DNM3: variants seen among roughly 807,000 people sequenced by gnomAD.
DNM3 encodes dynamin 3.
A neutral mutation model predicts 101.6 loss-of-function variants in DNM3; 47 were observed. That is an observed-to-expected ratio of 0.46 (90% CI 0.37 to 0.59). The LOEUF (loss-of-function observed/expected upper bound fraction) is 0.59. Ranked by LOEUF, DNM3 falls within the 20% of genes least tolerant of loss-of-function variation. DNM3 has a pLI of 0.00. For synonymous variants in DNM3, 385 were observed against 387.9 expected (o/e 0.99, Z 0.09); for missense variants, 849 against 1,085.7 (o/e 0.78, Z 3.06).
chr1:172,200,680 A>C (rs563617943), intron 14 of DNM3, among the ~76,000 whole-genome samples: 1 of 152,056 alleles, frequency 6.6e-6, no homozygotes, highest in Admixed American at 6.6e-5. Flanking sequence ...TACTTTTCTC[A>C]GCTTGGTTTA....
intron 4 of DNM3, among the ~76,000 whole-genome samples, chr1:172,008,854 T>C (rs1467373564): frequency 7.2e-6 from 1 of 138,856 alleles, no homozygotes; most frequent in South Asian, 2.1e-4. Flanking sequence ...TATATTATAT[T>C]ATATTACTAT....
chr1:171,903,632 C>T (rs6686260), intron 1 of DNM3, among the ~76,000 whole-genome samples: 39,567 of 152,070 alleles, frequency 0.26, 5,676 homozygotes, highest in Admixed American at 0.34. Flanking sequence ...TAAACTCTTT[C>T]TTACTTGTAC....
chr1:172,102,728 C>T (rs759479202), intron 13 of DNM3, among the ~76,000 whole-genome samples: 21 of 152,114 alleles, frequency 1.4e-4, no homozygotes, highest in Non-Finnish European at 7.4e-5. Context: ...CTGCCTCCCT[C>T]CGGCTGCCCC....
intron 1 of DNM3, among the ~76,000 whole-genome samples, chr1:171,847,040 G>A (rs554245010): frequency 2.6e-5 from 4 of 152,192 alleles, no homozygotes; most frequent in South Asian, 2.1e-4. Flanking sequence ...GACTCCTCCT[G>A]GAACTCTTGA....
intron 1 of DNM3, among the ~76,000 whole-genome samples, chr1:171,844,965 A>T (rs1270802093): frequency 6.6e-6 from 1 of 152,220 alleles, no homozygotes; most frequent in African/African-American, 2.4e-5. Context: ...GGGTGCTTTT[A>T]TATGAATAAT....
chr1:171,987,418 GT>G, intron 2 of DNM3: 2 of 743,924 alleles, frequency 2.7e-6, no homozygotes, highest in Non-Finnish European at 3.3e-6. Flanking sequence ...TTAGGGACTG[GT>G]TTTAGTATTT....
At chr1:172,184,768 G>A (rs2059465253) in intron 14 of DNM3, among the ~76,000 whole-genome samples, 1 of 152,062 alleles carries the variant, frequency 6.6e-6, no homozygotes, top group Admixed American at 6.6e-5. Context: ...TGCAGACTTG[G>A]GTTTGGGGTT....
At chr1:172,242,469 A>G (rs1363759736) in intron 14 of DNM3, among the ~76,000 whole-genome samples, 3 of 152,022 alleles carry the variant, frequency 2.0e-5, no homozygotes, top group Non-Finnish European at 4.4e-5. Flanking sequence ...TTGAAACAGG[A>G]TCTCACTCTG....
intron 1 of DNM3, among the ~76,000 whole-genome samples, chr1:171,867,696 T>C (rs958727837): frequency 1.3e-5 from 2 of 152,232 alleles, no homozygotes; most frequent in African/African-American, 4.8e-5. Context: ...TGGACATTTT[T>C]AATGGGTTCC....
chr1:172,220,524 A>G (rs934428563), intron 14 of DNM3, among the ~76,000 whole-genome samples: 22 of 152,252 alleles, frequency 1.4e-4, no homozygotes, highest in African/African-American at 5.3e-4. Flanking sequence ...GTGGTAGGGG[A>G]AGTAAGTTGA....
chr1:172,286,623 A>G (rs1045108423), intron 15 of DNM3, among the ~76,000 whole-genome samples: 4 of 152,182 alleles, frequency 2.6e-5, no homozygotes, highest in Non-Finnish European at 4.4e-5. Flanking sequence ...GTTATTATTT[A>G]TTACCCTGAG....
intron 15 of DNM3, among the ~76,000 whole-genome samples, chr1:172,283,653 G>A (rs2586390): frequency 0.06 from 9,012 of 151,218 alleles, 345 homozygotes; most frequent in Middle Eastern, 0.099. Context: ...CCAGCTACCC[G>A]GGAGGCTGAG....
In DNM3 at chr1:172,175,714, C is replaced by T. The variant is rs115145485; in HGVS notation, c.1659+44426C>T. On this transcript the variant is annotated intron_variant, in intron 14 of 20. Coordinates refer to ENST00000627582, the MANE Select transcript of DNM3 (RefSeq NM_015569.5). ...AAACATTTTATTATAACAAATTTCA[C>T]ACGATCAAATGTTGAAAGAATTTTA... 5.8e-3 allele frequency among the ~76,000 whole-genome samples: 876 copies of T among 151,876 alleles called. 16 individuals carry two copies. Among genetic ancestry groups the T allele is most frequent in the African/African-American group, 0.02 (812 of 41,498 alleles).
chr1:171,932,982 G>A (rs1358489419), intron 2 of DNM3, among the ~76,000 whole-genome samples: 1 of 152,092 alleles, frequency 6.6e-6, no homozygotes, highest in Non-Finnish European at 1.5e-5. Context: ...CTAAGTCCTT[G>A]ACCATTCCTT....
intron 15 of DNM3, among the ~76,000 whole-genome samples, chr1:172,262,772 A>G (rs906061504): frequency 1.3e-5 from 2 of 152,172 alleles, no homozygotes; most frequent in African/African-American, 4.8e-5. Context: ...TGAACAGGCC[A>G]TGATATACTT....
intron 20 of DNM3, among the ~76,000 whole-genome samples, chr1:172,402,382 T>G (rs892818354): frequency 6.6e-6 from 1 of 152,186 alleles, no homozygotes; most frequent in Non-Finnish European, 1.5e-5. Flanking sequence ...CCTAGATGTA[T>G]GTAAACTAAA....
chr1:172,032,924 G>A (rs544059353), intron 5 of DNM3, among the ~76,000 whole-genome samples, 181 bp from the exon 6 acceptor site: 1 of 152,140 alleles, frequency 6.6e-6, no homozygotes, highest in East Asian at 1.9e-4. Context: ...AATTATCGTG[G>A]GCTCAATCAG....
intron 10 of DNM3, among the ~76,000 whole-genome samples, chr1:172,065,635 A>AT (rs1291627520): frequency 6.6e-6 from 1 of 152,144 alleles, no homozygotes; most frequent in Non-Finnish European, 1.5e-5. Flanking sequence ...TCTTGCGGTA[A>AT]TTCATGAAAT....
intron 14 of DNM3, among the ~76,000 whole-genome samples, chr1:172,190,766 G>C (rs924199673): frequency 6.6e-6 from 1 of 152,212 alleles, no homozygotes; most frequent in African/African-American, 2.4e-5. Flanking sequence ...CTGATGGCCA[G>C]TGATGATGAG....
Sources: allele counts gnomAD v4.1 joint callset (sites outside exome capture counted in the v4.1 genomes callset), GRCh38; gene constraint gnomAD v4.1.1; transcripts MANE v1.5; gene names NCBI Gene and HGNC (gene_info 2026-07-23, HGNC 2026-07-21).